Variants in CCDC178 observed in about 807,000 individuals in gnomAD.
CCDC178 encodes the protein coiled-coil domain containing 178, also known as coiled-coil domain-containing protein 178.
Under a neutral mutation model 117.4 loss-of-function variants are expected in CCDC178, and 126 were observed. That is an observed-to-expected ratio of 1.07 (90% CI 0.93 to 1.24). The LOEUF is 1.24. Among genes scored for constraint, CCDC178 ranks in the 50% most tolerant of loss-of-function variants. The pLI, the probability that CCDC178 is intolerant of heterozygous loss-of-function variation, is 0.00. For synonymous variants in CCDC178, 283 were observed against 313.4 expected (o/e 0.90, Z 1.02); for missense variants, 1,030 against 986.9 (o/e 1.04, Z -0.59).
chr18:33,036,887 T>A (rs2056455041), intron 21 of CCDC178, among the ~76,000 whole-genome samples: 1 of 151,920 alleles, frequency 6.6e-6, no homozygotes, highest in Non-Finnish European at 1.5e-5. Flanking sequence ...TAAACTAGGA[T>A]AATAATTACA....
chr18:33,191,736 A>G (rs1263835455), intron 20 of CCDC178, among the ~76,000 whole-genome samples: 2 of 152,112 alleles, frequency 1.3e-5, no homozygotes, highest in African/African-American at 4.8e-5. Context: ...AATAGTAATC[A>G]AATAAACTCT....
At chr18:32,945,729 T>C (rs1005201191) in intron 22 of CCDC178, among the ~76,000 whole-genome samples, 3 of 152,166 alleles carry the variant, frequency 2.0e-5, no homozygotes, top group African/African-American at 7.2e-5. Flanking sequence ...TTTGGGTTTT[T>C]TTGGAGCAGA....
intron 20 of CCDC178, among the ~76,000 whole-genome samples, chr18:33,181,588 T>C (rs2058733069): frequency 1.3e-5 from 2 of 152,016 alleles, no homozygotes; most frequent in African/African-American, 2.4e-5. Context: ...ATTTAATTTA[T>C]ATGTATTGTT....
At chr18:33,027,931 A>G (rs1012659847) in intron 21 of CCDC178, among the ~76,000 whole-genome samples, 4 of 151,790 alleles carry the variant, frequency 2.6e-5, no homozygotes, top group African/African-American at 9.7e-5. Context: ...GTCAAAAAAG[A>G]AATCTCAAGA....
intron 22 of CCDC178, among the ~76,000 whole-genome samples, chr18:32,938,521 C>A (rs554078750): frequency 2.0e-5 from 3 of 151,948 alleles, no homozygotes; most frequent in Non-Finnish European, 4.4e-5. Context: ...ATTTATTCAA[C>A]AAATATATTT....
intron 20 of CCDC178, among the ~76,000 whole-genome samples, chr18:33,200,002 T>A (rs534439002): frequency 1.3e-5 from 2 of 152,164 alleles, no homozygotes; most frequent in Non-Finnish European, 1.5e-5. Flanking sequence ...CCTCTCACCA[T>A]CAGCACCCAA....
intron 20 of CCDC178, among the ~76,000 whole-genome samples, chr18:33,147,471 CAT>C (rs2058284318): frequency 6.9e-6 from 1 of 143,918 alleles, no homozygotes; most frequent in Non-Finnish European, 1.5e-5. Flanking sequence ...AGCAGATAAA[CAT>C]GTGAACAAGG....
At chr18:33,017,241 A>T (rs577504021) in intron 21 of CCDC178, among the ~76,000 whole-genome samples, 40 of 152,088 alleles carry the variant, frequency 2.6e-4, no homozygotes, top group African/African-American at 9.4e-4. Flanking sequence ...GAACCAATGA[A>T]TGGGTTCTGC....
chr18:33,094,635 G>T (rs999872278), intron 20 of CCDC178, among the ~76,000 whole-genome samples: 4 of 151,706 alleles, frequency 2.6e-5, no homozygotes, highest in Non-Finnish European at 5.9e-5. Context: ...CAATTTAATG[G>T]AACTTAATTG....
chr18:32,993,266 C>T (rs893697359), intron 21 of CCDC178, among the ~76,000 whole-genome samples: 3 of 152,146 alleles, frequency 2.0e-5, no homozygotes, highest in Admixed American at 1.3e-4. Flanking sequence ...AAATTAAGGA[C>T]TGGCTAAAAC....
At chr18:33,136,266 G>A (rs147404249) in intron 20 of CCDC178, among the ~76,000 whole-genome samples, 16 of 152,242 alleles carry the variant, frequency 1.1e-4, no homozygotes, top group African/African-American at 1.9e-4. Context: ...TTCTCCCCAC[G>A]TACCTTGAAA....
At chr18:33,001,615 G>A (rs548743372) in intron 21 of CCDC178, among the ~76,000 whole-genome samples, 1 of 152,044 alleles carries the variant, frequency 6.6e-6, no homozygotes, top group African/African-American at 2.4e-5. Context: ...GAAAAGTGAG[G>A]AAGAGAAGAC....
At chr18:33,440,281 G>C (rs1343873318) in intron 1 of CCDC178, among the ~76,000 whole-genome samples, 200 bp from the exon 2 acceptor site, 1 of 137,138 alleles carries the variant, frequency 7.3e-6, no homozygotes, top group African/African-American at 2.7e-5. Flanking sequence ...CCTTCCCCCG[G>C]CAGTGGGGAC....
intron 21 of CCDC178, among the ~76,000 whole-genome samples, chr18:33,029,430 T>C (rs539472474): frequency 6.6e-6 from 1 of 152,094 alleles, no homozygotes; most frequent in Non-Finnish European, 1.5e-5. Context: ...GTTTTGTCAA[T>C]TTTGTTGGTC....
At chr18:33,122,924 C>A (rs548367001) in intron 20 of CCDC178, among the ~76,000 whole-genome samples, 1 of 152,116 alleles carries the variant, frequency 6.6e-6, no homozygotes, top group Non-Finnish European at 1.5e-5. Context: ...GTACCGGCTA[C>A]AGAAATAGCT....
chr18:33,208,187 T>C (rs1407097080), intron 20 of CCDC178, among the ~76,000 whole-genome samples: 1 of 152,104 alleles, frequency 6.6e-6, no homozygotes, highest in Admixed American at 6.6e-5. Context: ...AAATATTAAT[T>C]ATGTAAAACA....
At chr18:33,029,159 C>A (rs190382684) in intron 21 of CCDC178, among the ~76,000 whole-genome samples, 65 of 151,922 alleles carry the variant, frequency 4.3e-4, no homozygotes, top group African/African-American at 1.4e-3. Flanking sequence ...GGATTTTCTT[C>A]GAAAAGTTTT....
intron 5 of CCDC178, among the ~76,000 whole-genome samples, chr18:33,376,186 T>G (rs1028115175): frequency 7.9e-5 from 12 of 152,126 alleles, no homozygotes; most frequent in African/African-American, 2.7e-4. Flanking sequence ...TCTCTGGCAC[T>G]GGCTGTGAGC....
chr18:33,273,249 A>G (rs761509894), intron 12 of CCDC178, among the ~76,000 whole-genome samples: 2 of 151,542 alleles, frequency 1.3e-5, no homozygotes, highest in Non-Finnish European at 3.0e-5. Flanking sequence ...ACACACTAGC[A>G]ATGAGCAATA....
Sources: gnomAD v4.1 joint callset for allele counts (sites outside exome capture counted in the v4.1 genomes callset) on GRCh38, gnomAD v4.1.1 for gene constraint, MANE v1.5 for transcripts, NCBI Gene and HGNC (gene_info 2026-07-23, HGNC 2026-07-21) for gene names.